WDFY3: variants seen among roughly 807,000 people sequenced by gnomAD.
The protein encoded by WDFY3 is WD repeat and FYVE domain containing 3.
WDFY3 carries 66 observed loss-of-function variants against 409.6 expected under a neutral mutation model. That is an observed-to-expected ratio of 0.16 (90% CI 0.13 to 0.20). WDFY3 has a LOEUF of 0.20. Among genes scored for constraint, WDFY3 ranks in the 10% least tolerant of loss-of-function variants. The pLI is 1.00. For missense variants in WDFY3, 3,031 were observed against 4,298.1 expected, an observed-to-expected ratio of 0.71 and a Z score of 8.24; for synonymous variants, 1,521 against 1,537.1, an observed-to-expected ratio of 0.99 and a Z score of 0.25.
At chr4:84,761,293 G>T (rs1742550141) in intron 32 of WDFY3, among the ~76,000 whole-genome samples, 1 of 152,150 alleles carries the variant, frequency 6.6e-6, no homozygotes, top group African/African-American at 2.4e-5. Context: ...TTGATTTGGG[G>T]TGGAGAGTTC....
intron 30 of WDFY3, among the ~76,000 whole-genome samples, chr4:84,769,166 T>G (rs1651994520): frequency 6.6e-6 from 1 of 152,220 alleles, no homozygotes; most frequent in African/African-American, 2.4e-5. Flanking sequence ...AGTGGTTTCT[T>G]GAGATGGAAT....
At chr4:84,754,676 C>T (rs59551426) in intron 34 of WDFY3, among the ~76,000 whole-genome samples, 9 of 152,146 alleles carry the variant, frequency 5.9e-5, no homozygotes, top group Non-Finnish European at 1.0e-4. Flanking sequence ...AATTCTTCAT[C>T]TCTAAGTTAG....
intron 13 of WDFY3, among the ~76,000 whole-genome samples, chr4:84,810,814 T>G (rs1460220954): frequency 6.6e-6 from 1 of 152,210 alleles, no homozygotes; most frequent in African/African-American, 2.4e-5. Flanking sequence ...ATATTCATGC[T>G]TTAGAAAGCA....
At chr4:84,704,010 A>C (rs1731517258) in intron 55 of WDFY3, among the ~76,000 whole-genome samples, 1 of 152,218 alleles carries the variant, frequency 6.6e-6, no homozygotes, top group Non-Finnish European at 1.5e-5. Flanking sequence ...ACAGAAAAGC[A>C]ATTATAATCG....
chr4:84,966,105 C>T, intron 1 of WDFY3, 104 bp downstream of exon 1: 1 of 151,878 alleles, frequency 6.6e-6, no homozygotes, highest in Non-Finnish European at 1.5e-5. Context: ...CGCGAGTGGG[C>T]AGCGCCTCCG....
intron 1 of WDFY3, among the ~76,000 whole-genome samples, chr4:84,962,885 G>A (rs1271700737): frequency 6.6e-6 from 1 of 151,680 alleles, no homozygotes; most frequent in Admixed American, 6.6e-5. Context: ...TATTGGCCAG[G>A]CTGGTCTTGA....
chr4:84,885,312 A>G (rs1764051424), intron 3 of WDFY3, among the ~76,000 whole-genome samples: 1 of 136,624 alleles, frequency 7.3e-6, no homozygotes, highest in African/African-American at 2.8e-5. Context: ...GCAAATATAT[A>G]CATACATACA....
chr4:84,858,171 C>A (rs982176981), intron 4 of WDFY3, among the ~76,000 whole-genome samples: 1 of 152,082 alleles, frequency 6.6e-6, no homozygotes, highest in Non-Finnish European at 1.5e-5. Flanking sequence ...TTTCTTGGGA[C>A]AAACACTTAT....
At chr4:84,817,253 T>C in intron 13 of WDFY3, 139 bp downstream of exon 13, 2 of 1,036,296 alleles carry the variant, frequency 1.9e-6, no homozygotes, top group East Asian at 2.4e-5. Context: ...TCCAAGTTCC[T>C]AACGTGTACA....
chr4:84,874,733 T>C (rs1380189704), intron 3 of WDFY3, among the ~76,000 whole-genome samples: 2 of 152,156 alleles, frequency 1.3e-5, no homozygotes, highest in African/African-American at 4.8e-5. Context: ...AAGTTTGTTG[T>C]TCAGCTTTTG....
At chr4:84,693,673 G>A (rs1292575998) in intron 58 of WDFY3, among the ~76,000 whole-genome samples, 4 of 152,038 alleles carry the variant, frequency 2.6e-5, no homozygotes, top group South Asian at 4.1e-4. Context: ...TGAGGCAGGC[G>A]GATCATGAGG....
At chr4:84,736,080 A>G in intron 42 of WDFY3, 90 bp downstream of exon 42, 3 of 1,388,300 alleles carry the variant, frequency 2.2e-6, no homozygotes, top group Non-Finnish European at 2.9e-6. Context: ...AAAATACAGA[A>G]AAGTTTCATT....
chr4:84,942,163 A>C (rs574679606), intron 1 of WDFY3, among the ~76,000 whole-genome samples: 1 of 152,162 alleles, frequency 6.6e-6, no homozygotes, highest in East Asian at 1.9e-4. Context: ...AACAGGATAT[A>C]AAAAGTAAAA....
intron 53 of WDFY3, among the ~76,000 whole-genome samples, chr4:84,708,134 G>T (rs973377208): frequency 1.3e-5 from 2 of 152,192 alleles, no homozygotes; most frequent in African/African-American, 4.8e-5. Context: ...AGGAAGAGGG[G>T]AATCAAAATA....
At chr4:84,943,811 G>A (rs906108337) in intron 1 of WDFY3, among the ~76,000 whole-genome samples, 2 of 152,132 alleles carry the variant, frequency 1.3e-5, no homozygotes, top group Non-Finnish European at 2.9e-5. Context: ...ACTAAAAACT[G>A]GAAAATAAGT....
chr4:84,720,603 G>A (rs1419868585), intron 47 of WDFY3, among the ~76,000 whole-genome samples: 1 of 152,090 alleles, frequency 6.6e-6, no homozygotes, highest in Non-Finnish European at 1.5e-5. Flanking sequence ...TCACACAAGA[G>A]CTCCTTTTCT....
At chr4:84,780,032 C>G in intron 26 of WDFY3, 76 bp downstream of exon 26, 6 of 1,418,108 alleles carry the variant, frequency 4.2e-6, no homozygotes, top group Non-Finnish European at 5.6e-6. Flanking sequence ...GAGTTTCAAA[C>G]AACATGAATG....
At chr4:84,738,616 A>AG (rs1212860397) in intron 40 of WDFY3, among the ~76,000 whole-genome samples, 1 of 151,774 alleles carries the variant, frequency 6.6e-6, no homozygotes, top group Non-Finnish European at 1.5e-5. Flanking sequence ...AAAAAAAAAA[A>AG]AGAGAGAGAG....
chr4:84,956,326 AACT>A (rs1044131805), intron 1 of WDFY3, among the ~76,000 whole-genome samples: 7 of 152,226 alleles, frequency 4.6e-5, no homozygotes, highest in Non-Finnish European at 1.0e-4. Flanking sequence ...TCCATGTCAG[AACT>A]CAATGATCGC....
Sources: allele counts gnomAD v4.1 joint callset (sites outside exome capture counted in the v4.1 genomes callset), GRCh38; gene constraint gnomAD v4.1.1; transcripts MANE v1.5; gene names NCBI Gene and HGNC (gene_info 2026-07-23, HGNC 2026-07-21).